Variants in GIGYF2 observed in about 807,000 individuals in gnomAD.
The protein encoded by GIGYF2 is GRB10-interacting GYF protein 2.
Under a neutral mutation model 208.1 loss-of-function variants are expected in GIGYF2, and 25 were observed. The ratio of observed to expected loss-of-function variants is 0.12; its 90% CI spans 0.09 to 0.17. GIGYF2 has a LOEUF of 0.17. Ranked by LOEUF, GIGYF2 falls within the 10% of genes least tolerant of loss-of-function variation. The pLI is 1.00. For synonymous variants in GIGYF2, 534 were observed against 543.8 expected (o/e 0.98, Z 0.25); for missense variants, 1,302 against 1,579.4 (o/e 0.82, Z 2.98).
In GIGYF2 at chr2:232,845,745, G is replaced by A. The variant is rs750588594; in HGVS notation, c.3319G>A (p.Val1107Met). The A allele has an allele frequency of 3.1e-6, 5 of 1,601,060 alleles. No homozygotes were observed. The Admixed American group carries it at 8.3e-5, about 27-fold the overall frequency. Residue 1107 changes from valine to methionine, a missense_variant, in exon 26 of 29, where the codon GTG (valine) becomes ATG (methionine). By Grantham distance (21) the Val-to-Met change is conservative. This residue lies in a region of GIGYF2 where 701 missense variants were observed against 793.0 expected (regional missense o/e 0.88). Transcript: ENST00000373563. Reference sequence around the variant, plus strand: ...GTTTTGCTTTAGTAAATCTGTAGGTGTGTCTAACCGGCAGAATAAGAAAGT... The same window carrying A: ...GTTTTGCTTTAGTAAATCTGTAGGTATGTCTAACCGGCAGAATAAGAAAGT... ...NNASLSKSVG[V>M]SNRQNKKVEE...
chr2:232,731,730 A>G (rs1027245093), intron 2 of GIGYF2, among the ~76,000 whole-genome samples: 1 of 152,216 alleles, frequency 6.6e-6, no homozygotes, highest in African/African-American at 2.4e-5. Context: ...CAAGTCATTC[A>G]TTTGGAATGT....
intron 8 of GIGYF2, among the ~76,000 whole-genome samples, chr2:232,781,089 C>T (rs1699700774): frequency 1.3e-5 from 2 of 152,158 alleles, no homozygotes; most frequent in South Asian, 4.1e-4. Flanking sequence ...TCCTGAGTAG[C>T]TGGGACTACA....
intron 8 of GIGYF2, among the ~76,000 whole-genome samples, chr2:232,764,202 G>A (rs1698857999): frequency 1.3e-5 from 2 of 152,156 alleles, no homozygotes; most frequent in African/African-American, 4.8e-5. Context: ...TCTTACATAA[G>A]GAAATTACAG....
chr2:232,836,399 A>AATATATATATAAATAT lies in GIGYF2; in HGVS notation c.2766+3321_2766+3322insTATATATATATAAATA, dbSNP rs71056301. On this transcript the variant is annotated intron_variant, in intron 22 of 28. Coordinates refer to ENST00000373563, the MANE Select transcript of GIGYF2 (RefSeq NM_001103146.3). ...ATAAATATAAATATATATAAATATA[A>AATATATATATAAATAT]ATATATATATAAATAAATTATTCAG... Among the ~76,000 whole-genome samples the AATATATATATAAATAT allele has an allele frequency of 4.4e-3, 209 of 47,774 alleles. 23 individuals are homozygous for AATATATATATAAATAT. Among genetic ancestry groups the AATATATATATAAATAT allele is most frequent in the African/African-American group, 0.02 (192 of 9,406 alleles). 31.3% of individuals were successfully genotyped at this position (47,774 alleles called of 152,430 possible).
chr2:232,799,984 T>C (rs1474011672), intron 14 of GIGYF2, among the ~76,000 whole-genome samples: 1 of 152,144 alleles, frequency 6.6e-6, no homozygotes, highest in Non-Finnish European at 1.5e-5. Context: ...TGTTAATTTT[T>C]TTGTTGCTGA....
chr2:232,816,613 T>C (rs926757220), intron 19 of GIGYF2, among the ~76,000 whole-genome samples: 1 of 152,230 alleles, frequency 6.6e-6, no homozygotes, highest in Non-Finnish European at 1.5e-5. Flanking sequence ...CTGTGATATG[T>C]CACAGCTTAG....
At chr2:232,801,905 T>C (rs1182917364) in intron 14 of GIGYF2, among the ~76,000 whole-genome samples, 1 of 152,248 alleles carries the variant, frequency 6.6e-6, no homozygotes, top group Non-Finnish European at 1.5e-5. Context: ...TTCCAGTCCA[T>C]GAACATGGAT....
intron 22 of GIGYF2, among the ~76,000 whole-genome samples, chr2:232,839,126 G>T (rs1005143121): frequency 6.6e-6 from 1 of 151,820 alleles, no homozygotes; most frequent in Admixed American, 6.6e-5. Context: ...TATTGTGTTC[G>T]CTTGTTTGAT....
At chr2:232,828,335 C>A (rs561270237) in intron 21 of GIGYF2, among the ~76,000 whole-genome samples, 1 of 151,736 alleles carries the variant, frequency 6.6e-6, no homozygotes, top group African/African-American at 2.4e-5. Flanking sequence ...TCAGAGAACA[C>A]AATCTGTAAG....
chr2:232,710,705 T>C (rs1357422288), intron 2 of GIGYF2, among the ~76,000 whole-genome samples: 8 of 150,600 alleles, frequency 5.3e-5, no homozygotes, highest in African/African-American at 9.8e-5. Flanking sequence ...TTTTTTTTTT[T>C]TTTTTTTCTG....
chr2:232,826,644 G>C (rs908415982), intron 21 of GIGYF2, among the ~76,000 whole-genome samples: 1 of 152,074 alleles, frequency 6.6e-6, no homozygotes, highest in African/African-American at 2.4e-5. Flanking sequence ...ATCTGACAAA[G>C]GGCTAATATC....
At chr2:232,818,382 G>T (rs1221240655) in intron 20 of GIGYF2, among the ~76,000 whole-genome samples, 1 of 152,180 alleles carries the variant, frequency 6.6e-6, no homozygotes, top group African/African-American at 2.4e-5. Context: ...CCCCTAGAAA[G>T]TAGGTTTTCA....
chr2:232,816,180 TTG>T (rs1037336616), intron 19 of GIGYF2, among the ~76,000 whole-genome samples: 9 of 152,214 alleles, frequency 5.9e-5, no homozygotes, highest in Non-Finnish European at 1.3e-4. Flanking sequence ...TAACATTAGA[TTG>T]TGTGTTCCAT....
chr2:232,803,906 C>A (rs1700472352), intron 14 of GIGYF2, among the ~76,000 whole-genome samples: 1 of 123,538 alleles, frequency 8.1e-6, no homozygotes, highest in Non-Finnish European at 1.7e-5. Context: ...CCAGGATGGT[C>A]TCGATCTCCT....
chr2:232,803,940 G>A lies in GIGYF2; in HGVS notation c.1640-2551G>A, dbSNP rs1341742871. Among the ~76,000 whole-genome samples the A allele has an allele frequency of 1.3e-4, 2 of 15,070 alleles. 1 individual carries two copies. The highest frequency in any genetic ancestry group is 7.9e-4 in the African/African-American group (2 of 2,540). The allele number at this position is 15,070 out of a possible 152,430, so 9.9% of individuals were successfully genotyped here. A position where few individuals can be genotyped will look rare whatever the true frequency, so the allele number is the denominator to read the frequency against. On this transcript the variant is annotated intron_variant, in intron 14 of 28. Transcript: ENST00000373563. ...CTGACCTCATGATCCACCCGCCTCC[G>A]CCTCCCAAAGTGCTGGGATTACAGG... is the stretch of plus-strand genomic sequence containing the variant.
chr2:232,818,246 C>T (rs1401502275), intron 20 of GIGYF2, among the ~76,000 whole-genome samples: 1 of 152,190 alleles, frequency 6.6e-6, no homozygotes, highest in African/African-American at 2.4e-5. Flanking sequence ...CTTAATGAAC[C>T]TTTTCTCTCT....
At position 232,833,037 on chromosome 2, in the gene GIGYF2, G is replaced by C. The variant is rs960645272; in HGVS notation, c.2710G>C (p.Glu904Gln). 3 of 1,560,278 alleles carry C rather than the reference G, an allele frequency of 1.9e-6. No individual in the cohort carries two copies. Among genetic ancestry groups the C allele is most frequent in the Non-Finnish European group, 2.6e-6 (3 of 1,151,726 alleles). ...ELMRQRQQQQ[E>Q]ALRRLQQQQQ... The stretch of plus-strand genomic sequence containing the variant: ...AATGCGCCAGAGGCAGCAGCAGCAA[G>C]AGGCTCTCCGGAGGTTGCAGCAGCA... The change falls in exon 22 of 29, where the codon GAG becomes CAG. Residue 904 changes from glutamate (E) to glutamine (Q), a missense_variant. Glu to Gln is a conservative substitution (Grantham distance 29). Coordinates refer to ENST00000373563, the MANE Select transcript of GIGYF2 (RefSeq NM_001103146.3).
chr2:232,715,974 G>A lies in GIGYF2; in HGVS notation c.-44+12485G>A, dbSNP rs184572603. On this transcript the variant is annotated intron_variant, in intron 2 of 28. Coordinates refer to ENST00000373563, the MANE Select transcript of GIGYF2 (RefSeq NM_001103146.3). ...TAATTAAAATACATTTTGTTATAAA[G>A]TAATTAAAGAATATTGCAAGTTATG... 5.9e-5 allele frequency among the ~76,000 whole-genome samples: 9 copies of A among 152,288 alleles called. No individual in the cohort carries two copies. The East Asian group carries it at 1.7e-3, about 29-fold the overall frequency.
intron 8 of GIGYF2, among the ~76,000 whole-genome samples, chr2:232,784,857 GTGTTTGGGTCAT>G (rs1699861379): frequency 6.6e-6 from 1 of 152,070 alleles, no homozygotes; most frequent in Non-Finnish European, 1.5e-5. Flanking sequence ...CTGGTGGGAG[GTGTTTGGGTCAT>G]GAGGGTGGAT....
Sources: gnomAD v4.1 joint callset for allele counts (sites outside exome capture counted in the v4.1 genomes callset) on GRCh38, gnomAD v4.1.1 for gene constraint, gnomAD v4.1.1 regional missense constraint, MANE v1.5 for transcripts, NCBI Gene and HGNC (gene_info 2026-07-23, HGNC 2026-07-21) for gene names.